Variants in CLXN observed in about 807,000 individuals in gnomAD.
CLXN encodes calaxin.
the CLXN span, among the ~76,000 whole-genome samples, chr8:48,728,244 G>A: frequency 6.6e-6 from 1 of 152,154 alleles, no homozygotes; most frequent in Admixed American, 6.5e-5. Flanking sequence ...CTCGTCCAGT[G>A]CAGATGCATT....
chr8:48,734,346 A>G, the CLXN span, among the ~76,000 whole-genome samples: 4 of 152,174 alleles, frequency 2.6e-5, no homozygotes, highest in Non-Finnish European at 5.9e-5. Context: ...GCTAAAGTGC[A>G]ATTATGTTTT....
chr8:48,716,316 G>A, the CLXN span: 3 of 152,350 alleles, frequency 2.0e-5, no homozygotes, highest in Non-Finnish European at 2.9e-5. Context: ...CCCAGAACTC[G>A]TGCTGGCCCA....
chr8:48,729,796 C>T, the CLXN span: 3 of 1,613,506 alleles, frequency 1.9e-6, no homozygotes, highest in Non-Finnish European at 2.5e-6. Flanking sequence ...TTTGAGAAGG[C>T]TGTTCTTCAA....
chr8:48,732,321 T>G, the CLXN span, among the ~76,000 whole-genome samples: 5 of 152,100 alleles, frequency 3.3e-5, no homozygotes, highest in Non-Finnish European at 7.4e-5. Flanking sequence ...AAAACTGTGA[T>G]TGAGCATTTT....
chr8:48,733,578 C>T, the CLXN span, among the ~76,000 whole-genome samples: 73 of 152,090 alleles, frequency 4.8e-4, no homozygotes, highest in African/African-American at 1.6e-3. Context: ...GGGGAAAGTT[C>T]TTCCGTTAAA....
chr8:48,719,832 T>C, the CLXN span, among the ~76,000 whole-genome samples: 222 of 152,326 alleles, frequency 1.5e-3, 1 homozygote, highest in Middle Eastern at 6.8e-3. Flanking sequence ...AAAGAAACTT[T>C]CTGTAAAACT....
At chr8:48,727,806 G>A in the CLXN span, among the ~76,000 whole-genome samples, 1 of 152,144 alleles carries the variant, frequency 6.6e-6, no homozygotes, top group South Asian at 2.1e-4. Flanking sequence ...TCTAGGCTAG[G>A]TAACATATAA....
At chr8:48,729,921 T>C in the CLXN span, 127 of 1,545,998 alleles carry the variant, frequency 8.2e-5, no homozygotes, top group Non-Finnish European at 1.1e-4. Context: ...AGTAAGGTAA[T>C]ATTTTCTCTG....
the CLXN span, chr8:48,730,713 C>CATCA: frequency 1.2e-6 from 1 of 823,324 alleles, no homozygotes; most frequent in Non-Finnish European, 1.9e-6. Context: ...TCTACATTGG[C>CATCA]ATCACTCACT....
the CLXN span, among the ~76,000 whole-genome samples, chr8:48,733,440 A>G: frequency 1.3e-5 from 2 of 152,210 alleles, no homozygotes; most frequent in African/African-American, 4.8e-5. Context: ...CCTGCAGAAC[A>G]TATCTGTAGA....
chr8:48,711,939 G>T, the CLXN span: 1 of 152,182 alleles, frequency 6.6e-6, no homozygotes, highest in Non-Finnish European at 1.5e-5. Flanking sequence ...CATGTAAAAT[G>T]CTTAGCCCAA....
At chr8:48,727,856 A>G in the CLXN span, among the ~76,000 whole-genome samples, 1 of 152,142 alleles carries the variant, frequency 6.6e-6, no homozygotes, top group African/African-American at 2.4e-5. Flanking sequence ...AGATGTGAGG[A>G]GAAGAGGCTA....
chr8:48,728,637 G>A, the CLXN span, among the ~76,000 whole-genome samples: 1 of 152,216 alleles, frequency 6.6e-6, no homozygotes, highest in African/African-American at 2.4e-5. Flanking sequence ...AGGATTAAAT[G>A]AGGCAATATG....
At chr8:48,726,048 T>TCGCCCATCCACCC in the CLXN span, among the ~76,000 whole-genome samples, 1 of 93,066 alleles carries the variant, frequency 1.1e-5, no homozygotes, top group Non-Finnish European at 2.0e-5. Flanking sequence ...CCCACCCACC[T>TCGCCCATCCACCC]ACCTCGCCCA....
the CLXN span, chr8:48,731,246 G>A: frequency 1.5e-5 from 19 of 1,229,260 alleles, no homozygotes; most frequent in South Asian, 2.1e-5. Flanking sequence ...CACTGGGAAT[G>A]CAAAACACTA....
chr8:48,720,276 G>A, the CLXN span, among the ~76,000 whole-genome samples: 3 of 152,130 alleles, frequency 2.0e-5, no homozygotes, highest in African/African-American at 7.2e-5. Context: ...CTGCCTGCGG[G>A]GTCGGGCAAA....
chr8:48,727,813 A>G, the CLXN span, among the ~76,000 whole-genome samples: 2 of 152,216 alleles, frequency 1.3e-5, no homozygotes, highest in Non-Finnish European at 1.5e-5. Context: ...TAGGTAACAT[A>G]TAACAGTGGC....
the CLXN span, among the ~76,000 whole-genome samples, chr8:48,712,854 G>T: frequency 4.6e-5 from 7 of 151,972 alleles, no homozygotes; most frequent in Non-Finnish European, 8.8e-5. Context: ...CAAAAAATTA[G>T]CCAGACATGG....
chr8:48,713,606 C>T, the CLXN span: 1 of 152,090 alleles, frequency 6.6e-6, no homozygotes, highest in Non-Finnish European at 1.5e-5. Context: ...ACCATGAATC[C>T]AAGCAGTGAC....
Sources: allele counts gnomAD v4.1 joint callset (sites outside exome capture counted in the v4.1 genomes callset), GRCh38; gene constraint gnomAD v4.1.1; transcripts MANE v1.5; gene names NCBI Gene and HGNC (gene_info 2026-07-23, HGNC 2026-07-21).